Variants in MYOC observed in about 807,000 individuals in gnomAD.
MYOC encodes myocilin, also known as juvenile-onset open-angle glaucoma 1.
Under a neutral mutation model 28.2 loss-of-function variants are expected in MYOC, and 29 were observed. The observed-to-expected ratio is 1.03, with a 90% CI of 0.77 to 1.40. The LOEUF (loss-of-function observed/expected upper bound fraction) is 1.40. Ranked by LOEUF, MYOC falls within the 40% of genes most tolerant of loss-of-function variation. The pLI is 0.00. For synonymous variants in MYOC, 240 were observed against 245.6 expected (o/e 0.98, Z 0.21); for missense variants, 569 against 620.6 (o/e 0.92, Z 0.88).
intron 1 of MYOC, among the ~76,000 whole-genome samples, chr1:171,649,940 G>A (rs6698607): frequency 0.024 from 3,612 of 152,184 alleles, 153 homozygotes; most frequent in African/African-American, 0.081. Context: ...CAGCGGTACC[G>A]GATGCTCATT....
At position 171,636,277 on chromosome 1, in the gene MYOC, A is replaced by G; in HGVS notation, c.1163T>C (p.Leu388Pro). ...DIDLAVDEAG[L>P]WVIYSTDEAK... Reference sequence around the variant, plus strand: ...CTCATCGGTGCTGTAAATGACCCAGAGGCCTGCTTCATCCACAGCCAAGTC... The same window carrying G: ...CTCATCGGTGCTGTAAATGACCCAGGGGCCTGCTTCATCCACAGCCAAGTC... The change falls in exon 3 of 3, where the codon CTC (leucine) becomes CCC (proline). Residue 388 changes from leucine to proline, a missense_variant. Transcript: ENST00000037502. The G allele has an allele frequency of 1.2e-6, 2 of 1,614,152 alleles. No homozygotes were observed. The highest frequency in any genetic ancestry group is 8.5e-7 in the Non-Finnish European group (1 of 1,180,024).
rs1652923205 is a variant in MYOC at position 171,636,434 on chromosome 1, A to T, written c.1006T>A (p.Phe336Ile). ...ACAGTTCTGGACTCAGCGCCCTGGA[A>T]ATAGAGGCTCCCCGAGTACACCACA... is the stretch of plus-strand genomic sequence containing the variant. ...GAVVYSGSLY[F>I]QGAESRTVIR... is the part of the protein sequence containing the mutation. The change falls in exon 3 of 3, where the codon TTC becomes ATC. Residue 336 changes from phenylalanine (F) to isoleucine (I), a missense_variant. Phe to Ile is a conservative substitution (Grantham distance 21). Transcript: ENST00000037502. The T allele has an allele frequency of 6.2e-7, 1 of 1,614,094 alleles. No homozygotes were observed. Among genetic ancestry groups the T allele is most frequent in the African/African-American group, 1.3e-5 (1 of 75,018 alleles).
intron 2 of MYOC, among the ~76,000 whole-genome samples, chr1:171,638,318 A>G (rs1042046789): frequency 2.0e-5 from 3 of 152,190 alleles, no homozygotes; most frequent in African/African-American, 7.2e-5. Context: ...AAATCAACAC[A>G]TCTCTCATCT....
intron 1 of MYOC, among the ~76,000 whole-genome samples, chr1:171,648,153 C>T (rs12081180): frequency 2.9e-3 from 441 of 151,042 alleles, no homozygotes; most frequent in Admixed American, 5.4e-3. Context: ...CGTGCCACCG[C>T]ACTCCAGCCT....
intron 1 of MYOC, among the ~76,000 whole-genome samples, chr1:171,639,217 C>A (rs564407239): frequency 2.6e-5 from 4 of 152,172 alleles, no homozygotes; most frequent in Admixed American, 2.6e-4. Flanking sequence ...TTGGACTGTG[C>A]TGATAACAGT....
At chr1:171,650,535 CTTTG>C (rs1489488672) in intron 1 of MYOC, among the ~76,000 whole-genome samples, 2 of 152,136 alleles carry the variant, frequency 1.3e-5, no homozygotes, top group Non-Finnish European at 2.9e-5. Context: ...CAGGAATTTT[CTTTG>C]TTATGTTATG....
chr1:171,636,242 C>A lies in MYOC; in HGVS notation c.1198G>T (p.Ala400Ser). The A allele has an allele frequency of 6.2e-7, 1 of 1,614,140 alleles. No individual in the cohort carries two copies. Among genetic ancestry groups the A allele is most frequent in the Non-Finnish European group, 8.5e-7 (1 of 1,180,034 alleles). Reference sequence around the variant, plus strand: ...GGGTTCAGTTTGGAGAGGACAATGGCACCTTTGGCCTCATCGGTGCTGTAA... The same window carrying A: ...GGGTTCAGTTTGGAGAGGACAATGGAACCTTTGGCCTCATCGGTGCTGTAA... Reference protein sequence around the residue: ...VIYSTDEAKGAIVLSKLNPEN... With the variant: ...VIYSTDEAKGSIVLSKLNPEN... The change falls in exon 3 of 3, where the codon GCC becomes TCC. Residue 400 changes from alanine to serine, a missense_variant. Transcript: ENST00000037502.
intron 1 of MYOC, among the ~76,000 whole-genome samples, chr1:171,645,750 C>G (rs550678165): frequency 1.3e-5 from 2 of 152,340 alleles, no homozygotes; most frequent in Non-Finnish European, 2.9e-5. Flanking sequence ...CTTGTAAACT[C>G]TCAGCTCCTG....
At chr1:171,647,063 T>C (rs1044775454) in intron 1 of MYOC, among the ~76,000 whole-genome samples, 5 of 152,240 alleles carry the variant, frequency 3.3e-5, no homozygotes, top group Non-Finnish European at 7.3e-5. Flanking sequence ...AAACAAGCTA[T>C]GCCTAATTAT....
chr1:171,643,095 G>A (rs934057195), intron 1 of MYOC, among the ~76,000 whole-genome samples: 1 of 152,106 alleles, frequency 6.6e-6, no homozygotes, highest in Non-Finnish European at 1.5e-5. Flanking sequence ...GTTGTGCAGG[G>A]GTGAGGAAAC....
intron 1 of MYOC, among the ~76,000 whole-genome samples, chr1:171,649,215 T>C (rs745932360): frequency 1.3e-5 from 2 of 152,138 alleles, no homozygotes; most frequent in Non-Finnish European, 2.9e-5. Flanking sequence ...ATCAAGAAAG[T>C]GGTGGTAACA....
intron 1 of MYOC, among the ~76,000 whole-genome samples, chr1:171,647,438 T>C (rs1192072082): frequency 2.1e-4 from 30 of 145,054 alleles, no homozygotes; most frequent in East Asian, 4.1e-4. Flanking sequence ...GCAGGAGAAT[T>C]GCTTGAATCC....
chr1:171,636,055 G>A lies in MYOC; in HGVS notation c.1385C>T (p.Thr462Ile). 1 of 1,614,224 alleles carries A rather than the reference G, an allele frequency of 6.2e-7. No homozygotes were observed. Among genetic ancestry groups the A allele is most frequent in the Non-Finnish European group, 8.5e-7 (1 of 1,180,042 alleles). Residue 462 changes from threonine (T) to isoleucine (I), a missense_variant, in exon 3 of 3, where the codon ACC (threonine) becomes ATC (isoleucine). Thr to Ile is a moderately conservative substitution (Grantham distance 89). Coordinates refer to ENST00000037502, the MANE Select transcript of MYOC (RefSeq NM_000261.2). ...GCGGTTCTTGAATGGGATGGTCAGG[G>A]TCTTGCTGATACCTGTGCCTGTGTC... ...AYDTGTGISK[T>I]LTIPFKNRYK...
rs982896610 is a variant in MYOC, at chr1:171,636,659, C to A, written c.781G>T (p.Glu261Ter). 2 of 1,608,780 alleles carry A rather than the reference C, an allele frequency of 1.2e-6. No homozygotes were observed. Among genetic ancestry groups the A allele is most frequent in the Non-Finnish European group, 1.7e-6 (2 of 1,180,016 alleles). The stretch of plus-strand genomic sequence containing the variant: ...ACACCATACTTGCCAGTAATTGTTT[C>A]TGCTGTTCTCAGCGTGAGAGGCTCT... ...VGEPLTLRTA[E>*]TITGKYGVWM... The change falls in exon 3 of 3, where the codon GAA becomes TAA. Residue 261 changes from glutamate (E) to a stop codon, truncating the protein, a stop_gained. Coordinates refer to ENST00000037502, the MANE Select transcript of MYOC (RefSeq NM_000261.2). LOFTEE classifies it low-confidence loss of function (END_TRUNC).
intron 1 of MYOC, among the ~76,000 whole-genome samples, chr1:171,640,840 C>T (rs1031431257): frequency 1.3e-5 from 2 of 152,128 alleles, no homozygotes; most frequent in Admixed American, 1.3e-4. Flanking sequence ...AGGCAATTGT[C>T]ACTGAAAAGC....
intron 1 of MYOC, among the ~76,000 whole-genome samples, chr1:171,645,473 C>T (rs530966779): frequency 1.3e-5 from 2 of 152,338 alleles, no homozygotes; most frequent in Non-Finnish European, 2.9e-5. Context: ...AGCTGATGTG[C>T]TGAACCTCAC....
At position 171,636,067 on chromosome 1, in the gene MYOC, C is replaced by T. The variant is rs868311329; in HGVS notation, c.1373G>A (p.Gly458Asp). The change falls in exon 3 of 3, where the codon GGT (glycine) becomes GAT (aspartate). Residue 458 changes from glycine (G) to aspartate (D), a missense_variant. Physicochemically the swap from Gly to Asp is moderately conservative, Grantham distance 94. Transcript: ENST00000037502. ...TVNFAYDTGT[G>D]ISKTLTIPFK... ...TGGGATGGTCAGGGTCTTGCTGATA[C>T]CTGTGCCTGTGTCATAAGCAAAGTT... 14 of 1,614,160 alleles carry T rather than the reference C, an allele frequency of 8.7e-6. No homozygotes were observed. The East Asian group carries it at 1.1e-4, about 13-fold the overall frequency.
At position 171,635,839 on chromosome 1, in the gene MYOC, T is replaced by G. The variant is rs1302205922; in HGVS notation, c.*86A>C. The G allele has an allele frequency of 1.4e-6, 2 of 1,453,226 alleles. No homozygotes were observed. Among genetic ancestry groups the G allele is most frequent in the Non-Finnish European group, 9.5e-7 (1 of 1,051,464 alleles). The allele number at this position is 1,453,226 out of a possible 1,614,324, so 90.0% of individuals were successfully genotyped here. A position where few individuals can be genotyped will look rare whatever the true frequency, so the allele number is the denominator to read the frequency against. ...AAAGCAGTCAAAGCTGCCTGGGCCC[T>G]GGCTGGCTGGCTCTCCCTTCAGCCT... On this transcript the variant is annotated 3_prime_UTR_variant, in exon 3 of 3. Transcript: ENST00000037502.
At chr1:171,647,742 C>T (rs1320304267) in intron 1 of MYOC, among the ~76,000 whole-genome samples, 3 of 152,180 alleles carry the variant, frequency 2.0e-5, no homozygotes, top group Non-Finnish European at 4.4e-5. Context: ...TTGAACACCT[C>T]AGGTTTCTCC....
Sources: allele counts gnomAD v4.1 joint callset (sites outside exome capture counted in the v4.1 genomes callset), GRCh38; gene constraint gnomAD v4.1.1; transcripts MANE v1.5; gene names NCBI Gene and HGNC (gene_info 2026-07-23, HGNC 2026-07-21).